Variants in MYO16 observed in about 807,000 individuals in gnomAD.
The protein encoded by MYO16 is myosin XVI.
Under a neutral mutation model 205.3 loss-of-function variants are expected in MYO16, and 94 were observed. The ratio of observed to expected loss-of-function variants is 0.46; its 90% confidence interval spans 0.39 to 0.54. The LOEUF (loss-of-function observed/expected upper bound fraction) is 0.54. MYO16 is among the 20% of genes least tolerant of loss of function. The pLI is 0.00. For synonymous variants in MYO16, 988 were observed against 954.0 expected (o/e 1.04, Z -0.66); for missense variants, 2,315 against 2,387.5 (o/e 0.97, Z 0.63).
At chr13:109,025,807 A>G (rs887733170) in intron 23 of MYO16, among the ~76,000 whole-genome samples, 1 of 152,186 alleles carries the variant, frequency 6.6e-6, no homozygotes, top group Non-Finnish European at 1.5e-5. Flanking sequence ...AAGTTCCTAA[A>G]TTTTGATGTG....
chr13:108,771,460 C>A (rs1236789975), intron 4 of MYO16, among the ~76,000 whole-genome samples: 1 of 152,120 alleles, frequency 6.6e-6, no homozygotes, highest in African/African-American at 2.4e-5. Flanking sequence ...CAGAGTAGTT[C>A]ATTTGTTACA....
At chr13:109,025,503 A>G (rs1460088325) in intron 23 of MYO16, among the ~76,000 whole-genome samples, 4 of 152,196 alleles carry the variant, frequency 2.6e-5, no homozygotes, top group Non-Finnish European at 4.4e-5. Flanking sequence ...AGTCTCATTA[A>G]TGAGCATGAA....
intron 27 of MYO16, among the ~76,000 whole-genome samples, chr13:109,080,995 C>G (rs912216579): frequency 6.6e-6 from 1 of 152,032 alleles, no homozygotes; most frequent in African/African-American, 2.4e-5. Context: ...CAATATTTAT[C>G]TATTTCAAGC....
chr13:109,050,866 T>C (rs1465390137), intron 24 of MYO16, among the ~76,000 whole-genome samples: 2 of 131,986 alleles, frequency 1.5e-5, no homozygotes, highest in Non-Finnish European at 3.4e-5. Flanking sequence ...GTCTCTTGAC[T>C]TTTTTTTTTT....
chr13:109,057,739 G>A (rs1244937903), intron 27 of MYO16, among the ~76,000 whole-genome samples: 1 of 152,056 alleles, frequency 6.6e-6, no homozygotes, highest in African/African-American at 2.4e-5. Context: ...AAATGCTCTT[G>A]TGTAAGTTTA....
rs748044770 is a variant in MYO16, at chr13:109,141,225, G to C, written c.5013G>C (p.Lys1671Asn). The change falls in exon 32 of 35, where the codon AAG becomes AAC. Residue 1671 changes from lysine to asparagine, a missense_variant. Lys to Asn is a moderately conservative substitution (Grantham distance 94). Around this residue, in one of 3 missense-constraint regions of MYO16, gnomAD observed 1,097 missense variants for 1,092.0 expected, o/e 1.00. Coordinates refer to ENST00000457511, the MANE Select transcript of MYO16 (RefSeq NM_001198950.3). The surrounding 1 kb of genome is among the most constrained non-coding windows in gnomAD (Gnocchi z 4.1). ...AGGCCACCAGGGCGGACGCCAGGAA[G>C]GCCGGCTCCAGTGCCTCGCCCCCCG... ...PVKATRADAR[K>N]AGSSASPPAP... 1 of 1,606,712 alleles carries C rather than the reference G, an allele frequency of 6.2e-7. No homozygotes were observed. The highest frequency in any genetic ancestry group is 2.3e-5 in the East Asian group (1 of 43,718).
chr13:108,581,742 C>T, the MYO16 span, among the ~76,000 whole-genome samples: 1 of 151,596 alleles, frequency 6.6e-6, no homozygotes. Context: ...AAAAATTAGC[C>T]AGGCATGGTG....
intron 2 of MYO16, among the ~76,000 whole-genome samples, chr13:108,686,960 C>T (rs9520958): frequency 0.33 from 50,900 of 152,002 alleles, 8,478 homozygotes; most frequent in Middle Eastern, 0.38. Flanking sequence ...CCTGGAACAA[C>T]GGCTGCTTAC....
At chr13:108,868,329 T>G (rs576126490) in intron 12 of MYO16, among the ~76,000 whole-genome samples, 1 of 152,298 alleles carries the variant, frequency 6.6e-6, no homozygotes, top group South Asian at 2.1e-4. Flanking sequence ...TTCTACTGGG[T>G]ATATATAGTG....
intron 10 of MYO16, among the ~76,000 whole-genome samples, chr13:108,844,744 C>A (rs187108686): frequency 1.3e-5 from 2 of 152,064 alleles, no homozygotes; most frequent in Non-Finnish European, 1.5e-5. Flanking sequence ...GCTCAGCCAG[C>A]GCATTAGTTC....
At chr13:108,929,733 G>T (rs551343040) in intron 16 of MYO16, among the ~76,000 whole-genome samples, 5 of 152,016 alleles carry the variant, frequency 3.3e-5, no homozygotes, top group African/African-American at 1.2e-4. Flanking sequence ...AGAGCTATCC[G>T]ACCTCACATG....
intron 2 of MYO16, among the ~76,000 whole-genome samples, chr13:108,680,275 A>G (rs1480460240): frequency 6.6e-6 from 1 of 152,200 alleles, no homozygotes; most frequent in Non-Finnish European, 1.5e-5. Context: ...CACATATTAC[A>G]GATGTTTCAA....
At chr13:108,682,816 T>C (rs923722073) in intron 2 of MYO16, among the ~76,000 whole-genome samples, 1 of 152,126 alleles carries the variant, frequency 6.6e-6, no homozygotes, top group Non-Finnish European at 1.5e-5. Context: ...TTGCTCTTTT[T>C]ATGGGCAAGA....
chr13:109,027,189 C>T (rs767115589), intron 23 of MYO16, among the ~76,000 whole-genome samples: 7 of 152,252 alleles, frequency 4.6e-5, no homozygotes, highest in Non-Finnish European at 7.4e-5. Flanking sequence ...TTACAGACCC[C>T]AGTTCCTGGC....
intron 12 of MYO16, among the ~76,000 whole-genome samples, chr13:108,880,806 C>A (rs952523675): frequency 3.3e-5 from 5 of 152,060 alleles, no homozygotes; most frequent in East Asian, 1.9e-4. Context: ...TGATGCCTCC[C>A]GCTTTGTTCT....
chr13:108,736,319 G>C (rs980345703), intron 4 of MYO16, among the ~76,000 whole-genome samples: 2 of 152,160 alleles, frequency 1.3e-5, no homozygotes, highest in African/African-American at 4.8e-5. Context: ...ATTAATTTTT[G>C]TATAAGGTGT....
intron 1 of MYO16, among the ~76,000 whole-genome samples, chr13:108,645,554 A>G (rs548927822): frequency 6.6e-6 from 1 of 152,142 alleles, no homozygotes; most frequent in African/African-American, 2.4e-5. Flanking sequence ...TCCACCTCCC[A>G]CAAAATAAGG....
chr13:108,552,909 T>C, the MYO16 span, among the ~76,000 whole-genome samples: 1 of 151,600 alleles, frequency 6.6e-6, no homozygotes, highest in Non-Finnish European at 1.5e-5. Context: ...GGACTGAACT[T>C]GCCCCTTTTA....
At chr13:109,093,222 G>T (rs1888674547) in intron 27 of MYO16, among the ~76,000 whole-genome samples, 1 of 152,316 alleles carries the variant, frequency 6.6e-6, no homozygotes, top group East Asian at 1.9e-4. Context: ...AGAAGGGGAA[G>T]TTGAAAGTGG....
Sources: gnomAD v4.1 joint callset for allele counts (sites outside exome capture counted in the v4.1 genomes callset) on GRCh38, gnomAD v4.1.1 for gene constraint, gnomAD v4.1.1 regional missense constraint, Gnocchi (gnomAD v3.1) non-coding constraint, MANE v1.5 for transcripts, NCBI Gene and HGNC (gene_info 2026-07-23, HGNC 2026-07-21) for gene names.